The following SP100 variants were observed in gnomAD, a reference collection of about 807,000 sequenced individuals.
The protein encoded by SP100 is nuclear autoantigen Sp-100.
A neutral mutation model predicts 130.0 loss-of-function variants in SP100; 84 were observed. That is an observed-to-expected ratio of 0.65 (90% CI 0.54 to 0.77). The LOEUF is 0.77. Among genes scored for constraint, SP100 ranks in the 30% least tolerant of loss-of-function variants. SP100 has a pLI of 0.00. For synonymous variants in SP100, 331 were observed against 351.7 expected (o/e 0.94, Z 0.66); for missense variants, 978 against 1,052.2 (o/e 0.93, Z 0.97).
chr2:230,466,069 C>T (rs1299361130), intron 11 of SP100, among the ~76,000 whole-genome samples: 2 of 151,256 alleles, frequency 1.3e-5, no homozygotes, highest in African/African-American at 4.9e-5. Context: ...ACTATAATCC[C>T]AGCTACTCAG....
intron 2 of SP100, among the ~76,000 whole-genome samples, chr2:230,441,358 C>T (rs11688912): frequency 0.42 from 64,156 of 151,978 alleles, 14,345 homozygotes; most frequent in African/African-American, 0.55. Context: ...GTTAAATGTA[C>T]TCTTACACAA....
chr2:230,502,964 T>G, intron 19 of SP100, 102 bp from the exon 20 acceptor site: 1 of 897,804 alleles, frequency 1.1e-6, no homozygotes, highest in East Asian at 2.5e-5. Context: ...TTTCTTTAAG[T>G]TCTAGACAGG....
chr2:230,516,141 T>C, intron 24 of SP100: 1 of 889,034 alleles, frequency 1.1e-6, no homozygotes, highest in Non-Finnish European at 1.3e-6. Flanking sequence ...TCTTCTTCCA[T>C]GTCTATTAGC....
intron 15 of SP100, among the ~76,000 whole-genome samples, chr2:230,472,924 T>A (rs1024171920): frequency 6.6e-6 from 1 of 152,202 alleles, no homozygotes; most frequent in Admixed American, 6.5e-5. Context: ...CAGCCAGCCC[T>A]GTCTTCTAAA....
In SP100 at chr2:230,506,200, A is replaced by G. The variant is rs543778550; in HGVS notation, c.1871-103A>G. The G allele has an allele frequency of 2.4e-4, 293 of 1,241,612 alleles. 1 individual carries two copies. The highest frequency in any genetic ancestry group is 3.0e-4 in the Non-Finnish European group (260 of 874,758). 76.9% of individuals were successfully genotyped at this position (1,241,612 alleles called of 1,614,324 possible). ...ACAGGAAAATTCAGACTTTACTGCT[A>G]CGATCCTAAGCCCAAAGTGGGTGGC... On this transcript the variant is annotated intron_variant, in intron 21 of 28. Transcript: ENST00000340126.
intron 4 of SP100, 95 bp downstream of exon 4, chr2:230,444,441 G>C: frequency 1.0e-6 from 1 of 986,872 alleles, no homozygotes; most frequent in Non-Finnish European, 1.5e-6. Context: ...TGTTGTGTTG[G>C]GCAGTGGGCA....
intron 2 of SP100, chr2:230,440,669 T>C (rs2063440721): frequency 9.7e-7 from 1 of 1,033,514 alleles, no homozygotes; most frequent in African/African-American, 1.7e-5. Flanking sequence ...AGTCCTAAAG[T>C]TTTTTCTTGA....
chr2:230,446,147 T>G (rs1304214522), intron 4 of SP100, among the ~76,000 whole-genome samples: 2 of 152,190 alleles, frequency 1.3e-5, no homozygotes, highest in Non-Finnish European at 2.9e-5. Context: ...TCCAATCTGT[T>G]GCCCAGGCTG....
chr2:230,466,268 A>T, intron 11 of SP100, 33 bp from the exon 12 acceptor site: 1 of 1,327,272 alleles, frequency 7.5e-7, no homozygotes, highest in East Asian at 2.3e-5. Flanking sequence ...TCTCTTGCAT[A>T]CAAATAACGG....
chr2:230,541,324 G>GT lies in SP100; in HGVS notation c.2355_2356insT (p.Val786CysfsTer4). On this transcript the variant is annotated frameshift_variant, in exon 27 of 29. Coordinates refer to ENST00000340126, the MANE Select transcript of SP100 (RefSeq NM_001080391.2). LOFTEE classifies it high-confidence loss of function. Reference sequence around the variant, plus strand: ...AGAAATGTGAATTCCTCCTCTTGAAGGTCTACTGTGATTCGAAAAGCTGCT... The same window carrying GT: ...AGAAATGTGAATTCCTCCTCTTGAAGTGTCTACTGTGATTCGAAAAGCTGCT... 6.2e-7 allele frequency: 1 copy of GT among 1,614,056 alleles called. No individual in the cohort carries two copies. The highest frequency in any genetic ancestry group is 8.5e-7 in the Non-Finnish European group (1 of 1,179,950).
chr2:230,463,579 C>T (rs1291984683), intron 10 of SP100: 1 of 152,414 alleles, frequency 6.6e-6, no homozygotes, highest in Non-Finnish European at 1.5e-5. Flanking sequence ...AGTTTTTAGA[C>T]AATATGTACT....
chr2:230,513,256 C>A (rs560555650), intron 24 of SP100, among the ~76,000 whole-genome samples: 2 of 152,142 alleles, frequency 1.3e-5, no homozygotes, highest in African/African-American at 2.4e-5. Context: ...GGATACAGAT[C>A]GCAACATGCA....
At chr2:230,530,410 A>G (rs1691647862) in intron 24 of SP100, among the ~76,000 whole-genome samples, 2 of 152,190 alleles carry the variant, frequency 1.3e-5, no homozygotes, top group African/African-American at 4.8e-5. Context: ...CCTTCCTTAC[A>G]CCTTACACAA....
At chr2:230,447,135 G>A (rs2063745883) in intron 5 of SP100, among the ~76,000 whole-genome samples, 1 of 152,152 alleles carries the variant, frequency 6.6e-6, no homozygotes, top group African/African-American at 2.4e-5. Context: ...CAGATTTACA[G>A]ATGCCGACTA....
At chr2:230,528,296 A>C (rs1301220964) in intron 24 of SP100, among the ~76,000 whole-genome samples, 1 of 152,234 alleles carries the variant, frequency 6.6e-6, no homozygotes, top group African/African-American at 2.4e-5. Context: ...GCACAACTAC[A>C]TGGAAACTGA....
Position 230,416,255 on chromosome 2 carries a change from G to T in SP100, c.-42G>T. 1.2e-5 allele frequency: 19 copies of T among 1,591,082 alleles called. No homozygotes were observed. Among genetic ancestry groups the T allele is most frequent in the Non-Finnish European group, 1.6e-5 (19 of 1,161,544 alleles). ...CAGGCTGGGCCGACTGAGGGGCTCA[G>T]AGGCCAGGCTCTGAGGCCCACGCAG... On this transcript the variant is annotated 5_prime_UTR_variant, in exon 1 of 29. Transcript: ENST00000340126.
chr2:230,457,959 A>G (rs1171092224), intron 8 of SP100, among the ~76,000 whole-genome samples: 1 of 152,212 alleles, frequency 6.6e-6, no homozygotes, highest in Non-Finnish European at 1.5e-5. Flanking sequence ...GCTGCTTTTA[A>G]CAGGTATGAG....
At chr2:230,461,693 A>G (rs10204849) in intron 9 of SP100, among the ~76,000 whole-genome samples, 2,314 of 152,246 alleles carry the variant, frequency 0.015, 56 homozygotes, top group African/African-American at 0.053. Flanking sequence ...TCATGCCTGT[A>G]ACCCCAGAAC....
At chr2:230,431,135 C>T (rs2063087241) in intron 2 of SP100, among the ~76,000 whole-genome samples, 1 of 152,224 alleles carries the variant, frequency 6.6e-6, no homozygotes, top group Non-Finnish European at 1.5e-5. Context: ...TGATAGGGTG[C>T]TGATGTCAGG....
Sources: gnomAD v4.1 joint callset for allele counts (sites outside exome capture counted in the v4.1 genomes callset) on GRCh38, gnomAD v4.1.1 for gene constraint, MANE v1.5 for transcripts, NCBI Gene and HGNC (gene_info 2026-07-23, HGNC 2026-07-21) for gene names.